The following AGBL1 variants were observed in gnomAD, a reference collection of about 807,000 sequenced individuals.
The protein encoded by AGBL1 is cytosolic carboxypeptidase 4.
A neutral mutation model predicts 118.9 loss-of-function variants in AGBL1; 130 were observed. The observed-to-expected ratio is 1.09, with a 90% confidence interval of 0.95 to 1.26. The LOEUF (loss-of-function observed/expected upper bound fraction) is 1.26. AGBL1 is among the 50% of genes most tolerant of loss of function. The pLI, the probability that AGBL1 is intolerant of heterozygous loss-of-function variation, is 0.00. For synonymous variants in AGBL1, 555 were observed against 478.9 expected, an observed-to-expected ratio of 1.16 and a Z score of -2.08; for missense variants, 1,584 against 1,298.1, an observed-to-expected ratio of 1.22 and a Z score of -3.38.
intron 18 of AGBL1, among the ~76,000 whole-genome samples, chr15:86,474,193 G>A (rs150304418): frequency 1.3e-3 from 199 of 152,240 alleles, no homozygotes; most frequent in African/African-American, 4.3e-3. Flanking sequence ...CTGAGGTACC[G>A]GGTTCATCTC....
At chr15:86,703,193 A>G (rs961491155) in intron 22 of AGBL1, among the ~76,000 whole-genome samples, 3 of 152,156 alleles carry the variant, frequency 2.0e-5, no homozygotes, top group Non-Finnish European at 2.9e-5. Flanking sequence ...TTACAAGTGG[A>G]ATAGCATTTT....
intron 22 of AGBL1, among the ~76,000 whole-genome samples, chr15:86,838,326 G>GCTATAGAGTGTTTGTATAATATA (rs1352077349): frequency 1.3e-5 from 2 of 152,180 alleles, no homozygotes; most frequent in African/African-American, 4.8e-5. Flanking sequence ...TATAGAAGAG[G>GCTATAGAGTGTTTGTATAATATA]CTATAGAGTG....
intron 16 of AGBL1, among the ~76,000 whole-genome samples, chr15:86,284,496 T>C (rs1351689026): frequency 6.6e-6 from 1 of 152,242 alleles, no homozygotes; most frequent in Admixed American, 6.5e-5. Flanking sequence ...AACATGCCTG[T>C]AGCATATTCT....
At chr15:86,986,810 C>T (rs942619790) in intron 23 of AGBL1, among the ~76,000 whole-genome samples, 4 of 152,114 alleles carry the variant, frequency 2.6e-5, no homozygotes, top group Admixed American at 2.6e-4. Flanking sequence ...ATTTCACTCG[C>T]GTCCATGTGA....
chr15:86,942,390 G>A (rs1160213304), intron 23 of AGBL1, among the ~76,000 whole-genome samples: 1 of 152,142 alleles, frequency 6.6e-6, no homozygotes, highest in East Asian at 1.9e-4. Context: ...CTACTGTCGG[G>A]AAGTTTCTTC....
chr15:86,430,179 C>T (rs752911835), intron 18 of AGBL1, among the ~76,000 whole-genome samples: 7 of 152,088 alleles, frequency 4.6e-5, no homozygotes, highest in Non-Finnish European at 1.0e-4. Flanking sequence ...TTACTAAGCA[C>T]CTTAAAGCAG....
chr15:86,838,439 G>A (rs532544246), intron 22 of AGBL1, among the ~76,000 whole-genome samples: 9 of 152,002 alleles, frequency 5.9e-5, no homozygotes, highest in East Asian at 1.9e-4. Flanking sequence ...CAACCATTTC[G>A]TATTTCTGCT....
chr15:86,219,739 C>T (rs1197960067), intron 5 of AGBL1, among the ~76,000 whole-genome samples: 1 of 152,080 alleles, frequency 6.6e-6, no homozygotes, highest in African/African-American at 2.4e-5. Context: ...AAGTTGTTTG[C>T]CTCATTGGCT....
At chr15:86,342,462 T>C (rs1412566784) in intron 17 of AGBL1, among the ~76,000 whole-genome samples, 1 of 152,166 alleles carries the variant, frequency 6.6e-6, no homozygotes, top group African/African-American at 2.4e-5. Context: ...GCTTAGAGGA[T>C]AGTAATAAAG....
At chr15:86,336,216 C>T (rs1211447062) in intron 17 of AGBL1, among the ~76,000 whole-genome samples, 1 of 152,158 alleles carries the variant, frequency 6.6e-6, no homozygotes, top group Non-Finnish European at 1.5e-5. Flanking sequence ...GGTGCCCATT[C>T]GATGTCTCAA....
chr15:86,936,053 C>T (rs1403832682), intron 23 of AGBL1, among the ~76,000 whole-genome samples: 2 of 152,216 alleles, frequency 1.3e-5, no homozygotes, highest in Non-Finnish European at 2.9e-5. Flanking sequence ...AGCAGCAGAG[C>T]GGCCGAGGAT....
At chr15:86,530,269 C>A (rs982231814) in intron 19 of AGBL1, among the ~76,000 whole-genome samples, 1 of 112,670 alleles carries the variant, frequency 8.9e-6, no homozygotes, top group Non-Finnish European at 1.7e-5. Context: ...GGAAGATCTA[C>A]CAAGCCAATG....
At chr15:87,008,880 C>A (rs1287974095) in intron 24 of AGBL1, among the ~76,000 whole-genome samples, 3 of 152,130 alleles carry the variant, frequency 2.0e-5, no homozygotes, top group African/African-American at 7.2e-5. Context: ...GGGTATCTGG[C>A]AGAAGAAATT....
rs1017257398 is a variant in AGBL1 at position 86,086,030 on chromosome 15, A to G, written c.51+6007A>G. 3.3e-5 allele frequency among the ~76,000 whole-genome samples: 5 copies of G among 152,206 alleles called. No homozygotes were observed. In the South Asian group the frequency reaches 8.3e-4, roughly 25 times the overall value. ...GGGACCAGTGGTGCTTTGAGGTGTAATTGGAAATGCAGTGATGCAATGAGG... is the reference window on the plus strand; with the variant it reads ...GGGACCAGTGGTGCTTTGAGGTGTAGTTGGAAATGCAGTGATGCAATGAGG... On this transcript the variant is annotated intron_variant, in intron 1 of 22. Coordinates refer to ENST00000614907, the MANE Select transcript of AGBL1 (RefSeq NM_001386094.1).
intron 20 of AGBL1, among the ~76,000 whole-genome samples, chr15:86,549,219 A>G (rs991030660): frequency 1.3e-5 from 2 of 151,916 alleles, no homozygotes; most frequent in African/African-American, 4.8e-5. Flanking sequence ...TCTAGAGGAG[A>G]CCCAAGAGGG....
At chr15:86,286,417 TCTAA>T (rs2141741346) in intron 16 of AGBL1, among the ~76,000 whole-genome samples, 1 of 141,724 alleles carries the variant, frequency 7.1e-6, no homozygotes, top group African/African-American at 2.5e-5. Context: ...ATTCCTCTTG[TCTAA>T]TTGAAATTTT....
At chr15:86,397,217 A>T (rs16976755) in intron 17 of AGBL1, 149 bp from the exon 18 acceptor site, 15,547 of 558,796 alleles carry the variant, frequency 0.028, 633 homozygotes, top group African/African-American at 0.14. Context: ...AACTGAAAAC[A>T]TTGAAGGAAA....
intron 5 of AGBL1, among the ~76,000 whole-genome samples, chr15:86,195,777 C>T (rs146478110): frequency 0.011 from 1,627 of 152,278 alleles, 33 homozygotes; most frequent in African/African-American, 0.037. Context: ...TAGATACTGG[C>T]TATGCAAGAT....
chr15:86,689,999 A>T (rs1241597589), intron 22 of AGBL1, among the ~76,000 whole-genome samples: 1 of 152,114 alleles, frequency 6.6e-6, no homozygotes, highest in Admixed American at 6.6e-5. Flanking sequence ...TAGAAACATA[A>T]TGTCTAGAAT....
Sources: gnomAD v4.1 joint callset for allele counts (sites outside exome capture counted in the v4.1 genomes callset) on GRCh38, gnomAD v4.1.1 for gene constraint, MANE v1.5 for transcripts, NCBI Gene and HGNC (gene_info 2026-07-23, HGNC 2026-07-21) for gene names.